The following RORB variants were observed in gnomAD, a reference collection of about 807,000 sequenced individuals.
The protein encoded by RORB is RAR related orphan receptor B.
Under a neutral mutation model 59.1 loss-of-function variants are expected in RORB, and 6 were observed. The observed-to-expected ratio is 0.10, with a 90% CI of 0.06 to 0.20. RORB has a LOEUF of 0.20. RORB is among the 10% of genes least tolerant of loss of function. The pLI is 1.00. For synonymous variants in RORB, 215 were observed against 204.5 expected (o/e 1.05, Z -0.44); for missense variants, 320 against 560.5 (o/e 0.57, Z 4.33).
intron 1 of RORB, among the ~76,000 whole-genome samples, chr9:74,537,186 A>C (rs150037047): frequency 6.6e-6 from 1 of 152,178 alleles, no homozygotes. Context: ...TGCCTCCTTC[A>C]TCATTCATCG....
chr9:74,592,663 C>G (rs1422129285), intron 1 of RORB, among the ~76,000 whole-genome samples: 2 of 152,156 alleles, frequency 1.3e-5, no homozygotes, highest in Non-Finnish European at 2.9e-5. Flanking sequence ...CTATCAAGAA[C>G]ATTCCAAAAG....
chr9:74,658,061 T>C (rs1824117808), intron 4 of RORB, among the ~76,000 whole-genome samples: 1 of 152,026 alleles, frequency 6.6e-6, no homozygotes, highest in South Asian at 2.1e-4. Flanking sequence ...TCTTTGTTTT[T>C]TTAATCTGTA....
chr9:74,519,366 C>T (rs906296940), intron 1 of RORB, among the ~76,000 whole-genome samples: 5 of 151,954 alleles, frequency 3.3e-5, no homozygotes, highest in Non-Finnish European at 5.9e-5. Context: ...ATTCTTTAGC[C>T]TTTCCTTCAA....
intron 1 of RORB, among the ~76,000 whole-genome samples, chr9:74,620,440 T>C (rs749351174): frequency 1.3e-5 from 2 of 152,166 alleles, no homozygotes; most frequent in Non-Finnish European, 2.9e-5. Flanking sequence ...TCTTTTCTTC[T>C]TTATTAGTCT....
At position 74,634,201 on chromosome 9, in the gene RORB, TTACCAA is replaced by T. The variant is rs1386774196; in HGVS notation, c.94-426_94-421del. On this transcript the variant is annotated intron_variant, in intron 2 of 9. Coordinates refer to ENST00000376896, the MANE Select transcript of RORB (RefSeq NM_006914.4). ...GCATACTCCTCAGTGTTGCTTTTTC[TTACCAA>T]TACTTCAAGTTCCTCACCACCACAG... Among the ~76,000 whole-genome samples the T allele has an allele frequency of 5.3e-5, 8 of 152,336 alleles. No homozygotes were observed. In the South Asian group the frequency reaches 1.7e-3, roughly 32 times the overall value.
intron 1 of RORB, among the ~76,000 whole-genome samples, chr9:74,593,136 T>C (rs761379886): frequency 6.6e-6 from 1 of 152,062 alleles, no homozygotes; most frequent in African/African-American, 2.4e-5. Flanking sequence ...TGTTACTGAT[T>C]GCAAGTCAGG....
At chr9:74,635,168 A>T (rs1272428493) in intron 3 of RORB, among the ~76,000 whole-genome samples, 1 of 152,170 alleles carries the variant, frequency 6.6e-6, no homozygotes, top group Non-Finnish European at 1.5e-5. Flanking sequence ...GGCAGGTCTG[A>T]CTGGGCTTGC....
rs1482128687 is a variant in RORB at position 74,686,282 on chromosome 9, A to G, written c.*664A>G. 1 of 152,612 alleles carries G rather than the reference A, an allele frequency of 6.6e-6. No individual in the cohort carries two copies. Among genetic ancestry groups the G allele is most frequent in the Non-Finnish European group, 1.5e-5 (1 of 68,036 alleles). The allele number at this position is 152,612 out of a possible 1,614,324, so 9.5% of individuals were successfully genotyped here. On this transcript the variant is annotated 3_prime_UTR_variant, in exon 10 of 10. Coordinates refer to ENST00000376896, the MANE Select transcript of RORB (RefSeq NM_006914.4). ...GTTTTCCCAGCCAGAGTTTTCATCT[A>G]TAGTCAATGGCAGGACGGTACCAAC... is the stretch of plus-strand genomic sequence containing the variant.
At chr9:74,602,473 G>A (rs1823080904) in intron 1 of RORB, among the ~76,000 whole-genome samples, 1 of 152,234 alleles carries the variant, frequency 6.6e-6, no homozygotes, top group Non-Finnish European at 1.5e-5. Flanking sequence ...TTCTGGATTT[G>A]TATTTGAGAA....
intron 9 of RORB, among the ~76,000 whole-genome samples, chr9:74,683,344 T>C (rs1824578941): frequency 6.6e-6 from 1 of 152,178 alleles, no homozygotes; most frequent in Non-Finnish European, 1.5e-5. Context: ...TCCAGTTAAG[T>C]GGACACTTGA....
At chr9:74,658,076 G>A (rs1824118078) in intron 4 of RORB, among the ~76,000 whole-genome samples, 4 of 149,872 alleles carry the variant, frequency 2.7e-5, no homozygotes, top group African/African-American at 9.9e-5. Context: ...TCTGTACCTT[G>A]ACCTGATATA....
intron 1 of RORB, among the ~76,000 whole-genome samples, chr9:74,504,676 A>G (rs1282883665): frequency 1.3e-5 from 2 of 152,060 alleles, no homozygotes; most frequent in Admixed American, 1.3e-4. Context: ...GGACATCAGT[A>G]AAGAAAGATC....
chr9:74,533,493 C>T (rs1826276823), intron 1 of RORB, among the ~76,000 whole-genome samples: 1 of 152,064 alleles, frequency 6.6e-6, no homozygotes, highest in African/African-American at 2.4e-5. Context: ...GTCCCTTTGA[C>T]ATGTATGCTT....
intron 1 of RORB, among the ~76,000 whole-genome samples, chr9:74,526,281 C>A (rs1288608342): frequency 7.2e-5 from 11 of 151,936 alleles, no homozygotes; most frequent in Non-Finnish European, 5.9e-5. Context: ...CTCCAGTTAA[C>A]TCACACACTT....
chr9:74,662,347 G>T, intron 5 of RORB, 127 bp from the exon 6 acceptor site: 1 of 888,858 alleles, frequency 1.1e-6, no homozygotes, highest in Admixed American at 2.4e-5. Flanking sequence ...CTTTTTTAAA[G>T]GAATCATATA....
At chr9:74,624,165 C>T (rs953965132) in intron 1 of RORB, among the ~76,000 whole-genome samples, 5 of 151,942 alleles carry the variant, frequency 3.3e-5, no homozygotes, top group African/African-American at 1.2e-4. Context: ...ATCTAACTTT[C>T]GATGATAAAT....
intron 1 of RORB, among the ~76,000 whole-genome samples, chr9:74,602,776 T>A (rs575201556): frequency 1.3e-5 from 2 of 152,316 alleles, no homozygotes; most frequent in South Asian, 4.1e-4. Flanking sequence ...CTGTATAAAT[T>A]GGTTTCATTT....
chr9:74,501,038 A>G (rs1484679556), intron 1 of RORB, among the ~76,000 whole-genome samples: 1 of 152,094 alleles, frequency 6.6e-6, no homozygotes, highest in African/African-American at 2.4e-5. Flanking sequence ...AAGTGAGCCG[A>G]GGTGTGGGTT....
At chr9:74,645,938 G>C (rs941232399) in intron 4 of RORB, among the ~76,000 whole-genome samples, 2 of 152,044 alleles carry the variant, frequency 1.3e-5, no homozygotes, top group Admixed American at 1.3e-4. Context: ...CTGCCTACCT[G>C]ACCTCCTTCT....
Sources: allele counts gnomAD v4.1 joint callset (sites outside exome capture counted in the v4.1 genomes callset), GRCh38; gene constraint gnomAD v4.1.1; transcripts MANE v1.5; gene names NCBI Gene and HGNC (gene_info 2026-07-23, HGNC 2026-07-21).